TVP23C: variants seen among roughly 807,000 people sequenced by gnomAD.
The protein encoded by TVP23C is trans-golgi network vesicle protein 23 homolog C, also known as Golgi apparatus membrane protein TVP23 homolog C.
Under a neutral mutation model 28.7 loss-of-function variants are expected in TVP23C, and 19 were observed. The observed-to-expected ratio is 0.66, with a 90% CI of 0.46 to 0.97. TVP23C has a LOEUF of 0.97. Ranked by LOEUF, TVP23C falls within the 50% of genes least tolerant of loss-of-function variation. The probability of loss-of-function intolerance (pLI) is 0.00; values close to 1 mark genes in which losing one functional copy is unlikely to be tolerated. For missense variants in TVP23C, 186 were observed against 241.3 expected, an observed-to-expected ratio of 0.77 and a Z score of 1.52; for synonymous variants, 68 against 81.7, an observed-to-expected ratio of 0.83 and a Z score of 0.90.
exon 6 of TVP23C, chr17:15,502,679 A>C: frequency 9.7e-7 from 1 of 1,028,938 alleles, no homozygotes; most frequent in Non-Finnish European, 1.3e-6. Flanking sequence ...TTTTCCCCTT[A>C]GTTTTACAAG....
In TVP23C at chr17:15,557,053, G is replaced by A. The variant is rs573120388; in HGVS notation, c.13-1689C>T. Among the ~76,000 whole-genome samples the A allele has an allele frequency of 1.2e-3, 181 of 149,328 alleles. 10 individuals carry two copies. The highest frequency in any genetic ancestry group is 2.0e-3 in the Non-Finnish European group (136 of 66,696). ...CTCTCCCATCTCCTGCCTTTCACATGTTGTCTCAGAAAACTCTTCCCTTCC... is the reference window on the plus strand; with the variant it reads ...CTCTCCCATCTCCTGCCTTTCACATATTGTCTCAGAAAACTCTTCCCTTCC... On this transcript the variant is annotated intron_variant, in intron 1 of 5. Coordinates refer to ENST00000518321, the MANE Select transcript of TVP23C (RefSeq NM_001135036.2).
chr17:15,507,283 T>G (rs1361642572), intron 5 of TVP23C: 1 of 751,108 alleles, frequency 1.3e-6, no homozygotes, highest in African/African-American at 1.7e-5. Context: ...GTGAAGCCCA[T>G]GGAGCGCTTT....
intron 5 of TVP23C, among the ~76,000 whole-genome samples, chr17:15,515,425 G>A (rs1020090675): frequency 6.6e-5 from 10 of 152,190 alleles, no homozygotes; most frequent in African/African-American, 1.9e-4. Context: ...CGGGCCAGGC[G>A]CTGTTGGGGA....
chr17:15,502,999 G>C (rs1205966985), exon 6 of TVP23C: 1 of 1,614,194 alleles, frequency 6.2e-7, no homozygotes, highest in South Asian at 1.1e-5. Context: ...TCTGTTGGCA[G>C]TTGCCTGGAG....
downstream of TVP23C, among the ~76,000 whole-genome samples, chr17:15,534,604 C>T (rs960328053): frequency 6.7e-6 from 1 of 148,820 alleles, no homozygotes; most frequent in Admixed American, 6.7e-5. Context: ...CACACACACA[C>T]ACACACACCC....
intron 5 of TVP23C, among the ~76,000 whole-genome samples, chr17:15,543,607 C>T (rs1357482336): frequency 6.6e-6 from 1 of 151,452 alleles, no homozygotes; most frequent in East Asian, 1.9e-4. Context: ...TAGCTGAGCA[C>T]TTAAAATAGT....
chr17:15,554,389 C>T (rs1984036293), intron 2 of TVP23C, among the ~76,000 whole-genome samples: 2 of 151,856 alleles, frequency 1.3e-5, no homozygotes, highest in Non-Finnish European at 2.9e-5. Context: ...AGGCGCCTGC[C>T]ACCACGCCCG....
chr17:15,553,261 T>G (rs1321358245), intron 3 of TVP23C, among the ~76,000 whole-genome samples: 1 of 149,758 alleles, frequency 6.7e-6, no homozygotes, highest in Non-Finnish European at 1.5e-5. Flanking sequence ...TAGGAGCCTT[T>G]TCAAAAGGTA....
chr17:15,542,372 C>G (rs193244256), intron 5 of TVP23C, among the ~76,000 whole-genome samples: 183 of 152,332 alleles, frequency 1.2e-3, no homozygotes, highest in African/African-American at 4.2e-3. Context: ...AGATGATCAT[C>G]TTAAGAGAAG....
chr17:15,553,861 A>G, intron 2 of TVP23C, 32 bp from the exon 3 acceptor site: 1 of 1,613,162 alleles, frequency 6.2e-7, no homozygotes, highest in Non-Finnish European at 8.5e-7. Flanking sequence ...AAGAAATGCA[A>G]TTACATTTTA....
intron 5 of TVP23C, among the ~76,000 whole-genome samples, chr17:15,526,797 A>G (rs1221287683): frequency 6.6e-6 from 1 of 152,224 alleles, no homozygotes; most frequent in East Asian, 1.9e-4. Context: ...AATGTTTAAA[A>G]AACATTAAGA....
At chr17:15,503,214 C>T (rs1981565541) in exon 6 of TVP23C, 2 of 1,538,412 alleles carry the variant, frequency 1.3e-6, no homozygotes, top group African/African-American at 1.4e-5. Context: ...CCAGTCTGGG[C>T]AATGTGGCGA....
intron 1 of TVP23C, among the ~76,000 whole-genome samples, chr17:15,560,804 T>A (rs1473977823): frequency 6.7e-6 from 1 of 148,772 alleles, no homozygotes; most frequent in Non-Finnish European, 1.5e-5. Flanking sequence ...TCCACCCGCC[T>A]CGGCCTCCCA....
At chr17:15,530,755 C>T (rs1265740632) in intron 5 of TVP23C, 6 of 112,170 alleles carry the variant, frequency 5.3e-5, no homozygotes, top group African/African-American at 1.9e-4. Context: ...GTTTTAATTT[C>T]CACTTTTTTT....
chr17:15,510,191 T>C (rs529993598), intron 5 of TVP23C, among the ~76,000 whole-genome samples: 1 of 151,994 alleles, frequency 6.6e-6, no homozygotes, highest in Non-Finnish European at 1.5e-5. Context: ...GGGGTTCTAG[T>C]GAGGAGTTCC....
intron 5 of TVP23C, among the ~76,000 whole-genome samples, chr17:15,521,940 C>T (rs921191501): frequency 1.3e-5 from 2 of 152,140 alleles, no homozygotes; most frequent in African/African-American, 2.4e-5. Context: ...AAGGAATACA[C>T]GAGAGTAAAT....
chr17:15,561,364 C>G lies in TVP23C; in HGVS notation c.12+2073G>C, dbSNP rs1365238803. On this transcript the variant is annotated intron_variant, in intron 1 of 5. Coordinates refer to ENST00000518321, the MANE Select transcript of TVP23C (RefSeq NM_001135036.2). ...CTGTAATCCTAGCACTTTGGAAGGC[C>G]GAGGCGGGTGGATAACCTGAGGTCA... Among the ~76,000 whole-genome samples the G allele has an allele frequency of 5.3e-5, 8 of 151,706 alleles. No homozygotes were observed. In the South Asian group the frequency reaches 1.7e-3, roughly 31 times the overall value.
chr17:15,507,324 A>G (rs755870461), intron 5 of TVP23C: 107 of 759,436 alleles, frequency 1.4e-4, no homozygotes, highest in Non-Finnish European at 2.5e-4. Flanking sequence ...CAGCAAGAAG[A>G]TCACCATTGC....
intron 3 of TVP23C, among the ~76,000 whole-genome samples, chr17:15,550,745 GATA>G (rs1239547429): frequency 1.3e-5 from 2 of 151,976 alleles, no homozygotes; most frequent in South Asian, 2.1e-4. Context: ...TATCTCATCT[GATA>G]ATAATACAAT....
Sources: gnomAD v4.1 joint callset for allele counts (sites outside exome capture counted in the v4.1 genomes callset) on GRCh38, gnomAD v4.1.1 for gene constraint, MANE v1.5 for transcripts, NCBI Gene and HGNC (gene_info 2026-07-23, HGNC 2026-07-21) for gene names.